Variants in A1CF observed in about 807,000 individuals in gnomAD.
The protein encoded by A1CF is APOBEC1 complementation factor.
A neutral mutation model predicts 68.9 loss-of-function variants in A1CF; 48 were observed. The observed-to-expected ratio is 0.70, with a 90% CI of 0.55 to 0.89. The LOEUF (loss-of-function observed/expected upper bound fraction) is 0.89, where lower values mean the gene tolerates loss of function less well. Ranked by LOEUF, A1CF falls within the 40% of genes least tolerant of loss-of-function variation. A1CF has a pLI of 0.00. For missense variants in A1CF, 653 were observed against 718.9 expected (o/e 0.91, Z 1.05); for synonymous variants, 272 against 260.4 (o/e 1.04, Z -0.43).
chr10:50,882,097 T>C (rs1301962955), intron 1 of A1CF, among the ~76,000 whole-genome samples: 1 of 152,176 alleles, frequency 6.6e-6, no homozygotes, highest in Non-Finnish European at 1.5e-5. Context: ...AAATATTCAA[T>C]ACAAAATTTT....
chr10:50,820,828 T>C (rs1217515041), intron 7 of A1CF, among the ~76,000 whole-genome samples, 179 bp from the exon 8 acceptor site: 1 of 152,176 alleles, frequency 6.6e-6, no homozygotes, highest in African/African-American at 2.4e-5. Context: ...AAAATAAAAT[T>C]TATATTCTGA....
At chr10:50,843,000 A>C (rs908090499) in intron 4 of A1CF, among the ~76,000 whole-genome samples, 3 of 152,210 alleles carry the variant, frequency 2.0e-5, no homozygotes, top group Admixed American at 2.0e-4. Flanking sequence ...TAGACTGAGC[A>C]ATTTACTATC....
In A1CF at chr10:50,803,350, G is replaced by A. The variant is rs1343257841; in HGVS notation, c.*3379C>T. Reference sequence around the variant, plus strand: ...ACTCCTGGCCTCCAGCAATCCTCCTGCCTTGGCCTCCCAAAGTACTGGGGT... The same window carrying A: ...ACTCCTGGCCTCCAGCAATCCTCCTACCTTGGCCTCCCAAAGTACTGGGGT... On this transcript the variant is annotated 3_prime_UTR_variant, in exon 13 of 13. Transcript: ENST00000373997. 6.6e-6 allele frequency: 1 copy of A among 150,532 alleles called. No individual in the cohort carries two copies. The highest frequency in any genetic ancestry group is 1.5e-5 in the Non-Finnish European group (1 of 67,932). The allele number at this position is 150,532 out of a possible 1,614,324, so 9.3% of individuals were successfully genotyped here. A position where few individuals can be genotyped will look rare whatever the true frequency, so the allele number is the denominator to read the frequency against.
At chr10:50,862,404 C>T (rs1840789578) in intron 2 of A1CF, among the ~76,000 whole-genome samples, 1 of 151,764 alleles carries the variant, frequency 6.6e-6, no homozygotes, top group African/African-American at 2.4e-5. Context: ...TAATTTAGAA[C>T]ATCAAAGGAA....
rs762914158 is a variant in A1CF at position 50,809,983 on chromosome 10, G to A, written c.1520C>T (p.Ala507Val). 6.2e-7 allele frequency: 1 copy of A among 1,614,024 alleles called. No homozygotes were observed. Among genetic ancestry groups the A allele is most frequent in the Non-Finnish European group, 8.5e-7 (1 of 1,179,934 alleles). ...AFVDEAKTYA[A>V]EYTLQTLGIP... is the part of the protein sequence containing the mutation. ...GCCCAGGGTCTGCAGGGTGTATTCGGCTGCATACGTCTTTGCTTCATCCAC... is the reference window on the plus strand; with the variant it reads ...GCCCAGGGTCTGCAGGGTGTATTCGACTGCATACGTCTTTGCTTCATCCAC... Residue 507 changes from alanine to valine, a missense_variant, in exon 12 of 13, where the codon GCC becomes GTC. Coordinates refer to ENST00000373997, the MANE Select transcript of A1CF (RefSeq NM_014576.4).
rs1178237041 is a variant in A1CF, at chr10:50,800,485, C to T, written c.*6244G>A. 1 of 152,062 alleles carries T rather than the reference C, an allele frequency of 6.6e-6. No homozygotes were observed. Among genetic ancestry groups the T allele is most frequent in the Non-Finnish European group, 1.5e-5 (1 of 67,984 alleles). 9.4% of individuals were successfully genotyped at this position (152,062 alleles called of 1,614,324 possible). On this transcript the variant is annotated 3_prime_UTR_variant, in exon 13 of 13. Transcript: ENST00000373997. ...AAGTGGCAAAACCTATCAGGTGTTGCAATTATATTCAATTTTGAAAAATGC... is the reference window on the plus strand; with the variant it reads ...AAGTGGCAAAACCTATCAGGTGTTGTAATTATATTCAATTTTGAAAAATGC...
rs1444612762 is a variant in A1CF, at chr10:50,803,626, A to G, written c.*3103T>C. ...AAGAGGCAGCACTTTTATAGGAAAG[A>G]AAATAGATACCCAATCCCATTGCTG... On this transcript the variant is annotated 3_prime_UTR_variant, in exon 13 of 13. Transcript: ENST00000373997. 6.6e-6 allele frequency: 1 copy of G among 152,220 alleles called. No individual in the cohort carries two copies. Among genetic ancestry groups the G allele is most frequent in the Non-Finnish European group, 1.5e-5 (1 of 68,044 alleles). The allele number at this position is 152,220 out of a possible 1,614,324, so 9.4% of individuals were successfully genotyped here. A position where few individuals can be genotyped will look rare whatever the true frequency, so the allele number is the denominator to read the frequency against.
Position 50,822,538 on chromosome 10 carries a change from T to C in A1CF, c.770-1889A>G, listed in dbSNP as rs758855076. 7.2e-5 allele frequency among the ~76,000 whole-genome samples: 11 copies of C among 152,346 alleles called. 1 individual carries two copies. The highest frequency in any genetic ancestry group is 3.4e-3 in the Middle Eastern group (1 of 294). Reference sequence around the variant, plus strand: ...TAAGAATTATCTTCCTTTGGAATGATAGTCGGCCTGTAACATAAGGACAAT... The same window carrying C: ...TAAGAATTATCTTCCTTTGGAATGACAGTCGGCCTGTAACATAAGGACAAT... On this transcript the variant is annotated intron_variant, in intron 7 of 12. Transcript: ENST00000373997.
rs1035455975 is a variant in A1CF, at chr10:50,814,210, A to G, written c.1142-172T>C. 27 of 672,400 alleles carry G rather than the reference A, an allele frequency of 4.0e-5. 1 individual carries two copies. In the Middle Eastern group the frequency reaches 1.3e-3, roughly 31 times the overall value. 41.7% of individuals were successfully genotyped at this position (672,400 alleles called of 1,614,324 possible). A position where few individuals can be genotyped will look rare whatever the true frequency, so the allele number is the denominator to read the frequency against. The stretch of plus-strand genomic sequence containing the variant: ...TAGGATTCTAATGTAATGAAACTCA[A>G]CATAAGGTAAGGTTTAACATAGGTG... On this transcript the variant is annotated intron_variant, in intron 9 of 12. Coordinates refer to ENST00000373997, the MANE Select transcript of A1CF (RefSeq NM_014576.4).
rs569017062 is a variant in A1CF at position 50,865,339 on chromosome 10, G to A, written c.-93-1259C>T. ...CTACTAAAATAAATACAATTAGGATGATGATAATTCCATCATAGGGTTCTT... is the reference window on the plus strand; with the variant it reads ...CTACTAAAATAAATACAATTAGGATAATGATAATTCCATCATAGGGTTCTT... On this transcript the variant is annotated intron_variant, in intron 1 of 12. Transcript: ENST00000373997. Among the ~76,000 whole-genome samples, 18 of 152,158 alleles carry A rather than the reference G, an allele frequency of 1.2e-4. No individual in the cohort carries two copies. The South Asian group carries it at 3.7e-3, about 32-fold the overall frequency.
At position 50,809,906 on chromosome 10, in the gene A1CF, T is replaced by TAGCAGC; in HGVS notation, c.1591_1596dup (p.Ala531_Ala532dup). 1 of 1,602,174 alleles carries TAGCAGC rather than the reference T, an allele frequency of 6.2e-7. No individual in the cohort carries two copies. Among genetic ancestry groups the TAGCAGC allele is most frequent in the African/African-American group, 1.3e-5 (1 of 74,952 alleles). ...AATTTTCCCATACCTGGGAAAGCAG[T>TAGCAGC]AGCAGCAGCAGCAGCAGTAGCCATG... On this transcript the variant is annotated inframe_insertion, in exon 12 of 13. Transcript: ENST00000373997.
intron 3 of A1CF, among the ~76,000 whole-genome samples, chr10:50,847,705 G>A (rs1206501604): frequency 1.3e-5 from 2 of 152,052 alleles, no homozygotes; most frequent in Admixed American, 6.6e-5. Flanking sequence ...CTTGCAGCTG[G>A]GGCCATCATG....
At chr10:50,883,967 A>C (rs1841893680) in intron 1 of A1CF, among the ~76,000 whole-genome samples, 3 of 152,218 alleles carry the variant, frequency 2.0e-5, no homozygotes, top group Non-Finnish European at 2.9e-5. Flanking sequence ...ATAACATGAG[A>C]TAATGCATGG....
intron 3 of A1CF, chr10:50,850,779 T>C (rs762435207): frequency 7.4e-6 from 12 of 1,613,968 alleles, no homozygotes; most frequent in Non-Finnish European, 9.3e-6. Flanking sequence ...CCAGACACAC[T>C]GCTTCCATCT....
intron 7 of A1CF, among the ~76,000 whole-genome samples, chr10:50,823,276 T>C (rs1588980128): frequency 6.6e-6 from 1 of 152,270 alleles, no homozygotes; most frequent in Middle Eastern, 3.4e-3. Flanking sequence ...ATGGCTTATT[T>C]TATTATGTTT....
At chr10:50,832,765 A>G (rs1839310135) in intron 6 of A1CF, among the ~76,000 whole-genome samples, 1 of 152,176 alleles carries the variant, frequency 6.6e-6, no homozygotes, top group African/African-American at 2.4e-5. Context: ...CTTTTAAATT[A>G]TGATTTAACA....
chr10:50,841,034 A>G (rs1446750366), intron 5 of A1CF, among the ~76,000 whole-genome samples: 1 of 152,184 alleles, frequency 6.6e-6, no homozygotes, highest in African/African-American at 2.4e-5. Flanking sequence ...GTCCAAATCT[A>G]GACAACTGCA....
intron 1 of A1CF, among the ~76,000 whole-genome samples, chr10:50,885,375 T>C (rs1841958774): frequency 6.6e-6 from 1 of 152,220 alleles, no homozygotes; most frequent in Non-Finnish European, 1.5e-5. Flanking sequence ...TCCTGGCAGC[T>C]ATCTCATTTA....
At position 50,836,082 on chromosome 10, in the gene A1CF, A is replaced by C; in HGVS notation, c.596T>G (p.Leu199Arg). The change falls in exon 6 of 13, where the codon CTG (leucine) becomes CGG (arginine). Residue 199 changes from leucine to arginine, a missense_variant. Transcript: ENST00000373997. ...AGGAGGGGATTGCTAACCTGGTAGC[A>C]GTTTCCTCCTCGCCATGGCAGCTGC... ...HRAAAMARRK[L>R]LPGRIQLWGH... 6.2e-7 allele frequency: 1 copy of C among 1,606,810 alleles called. No homozygotes were observed. Among genetic ancestry groups the C allele is most frequent in the Non-Finnish European group, 8.5e-7 (1 of 1,176,224 alleles).
Sources: gnomAD v4.1 joint callset for allele counts (sites outside exome capture counted in the v4.1 genomes callset) on GRCh38, gnomAD v4.1.1 for gene constraint, MANE v1.5 for transcripts, NCBI Gene and HGNC (gene_info 2026-07-23, HGNC 2026-07-21) for gene names.